Variants in DNAJC6 observed in about 807,000 individuals in gnomAD.
DNAJC6 encodes the protein DnaJ heat shock protein family (Hsp40) member C6.
Under a neutral mutation model 110.0 loss-of-function variants are expected in DNAJC6, and 34 were observed. That is an observed-to-expected ratio of 0.31 (90% confidence interval 0.24 to 0.41). The LOEUF (loss-of-function observed/expected upper bound fraction) is 0.41, where lower values mean the gene tolerates loss of function less well. DNAJC6 is among the 10% of genes least tolerant of loss of function. The pLI is 1.00. For missense variants in DNAJC6, 1,031 were observed against 1,207.8 expected (o/e 0.85, Z 2.17); for synonymous variants, 406 against 437.2 (o/e 0.93, Z 0.89).
chr1:65,409,767 C>T (rs910085211), intron 17 of DNAJC6, among the ~76,000 whole-genome samples: 4 of 152,124 alleles, frequency 2.6e-5, no homozygotes, highest in African/African-American at 4.8e-5. Context: ...AAAGCAGTTC[C>T]ACTTTTCTCT....
intron 1 of DNAJC6, among the ~76,000 whole-genome samples, chr1:65,362,435 T>A (rs1392881956): frequency 6.6e-6 from 1 of 152,200 alleles, no homozygotes; most frequent in Non-Finnish European, 1.5e-5. Flanking sequence ...ATAGATGCCA[T>A]TCTTGTCTTT....
chr1:65,290,645 T>A (rs1176955036), intron 1 of DNAJC6, among the ~76,000 whole-genome samples: 2 of 152,232 alleles, frequency 1.3e-5, no homozygotes, highest in East Asian at 1.9e-4. Flanking sequence ...TGTTTATTTT[T>A]AAATTATTAC....
At chr1:65,295,411 C>G (rs537969545) in intron 1 of DNAJC6, among the ~76,000 whole-genome samples, 44 of 152,214 alleles carry the variant, frequency 2.9e-4, no homozygotes, top group South Asian at 2.5e-3. Context: ...CTTGCTCTTT[C>G]TGGTTTTAAA....
intron 13 of DNAJC6, among the ~76,000 whole-genome samples, chr1:65,395,509 C>T (rs562317745): frequency 1.8e-3 from 281 of 152,208 alleles, no homozygotes; most frequent in African/African-American, 6.4e-3. Context: ...CCACTAGTTA[C>T]GTGTGGCTGT....
intron 1 of DNAJC6, among the ~76,000 whole-genome samples, chr1:65,354,392 T>C (rs1169838821): frequency 6.6e-6 from 1 of 152,202 alleles, no homozygotes; most frequent in Non-Finnish European, 1.5e-5. Flanking sequence ...CCACTGTGCT[T>C]AGTGCAAGCA....
chr1:65,349,095 TATATATAAATAA>T (rs1213792765), intron 1 of DNAJC6, among the ~76,000 whole-genome samples: 278 of 143,858 alleles, frequency 1.9e-3, no homozygotes, highest in Middle Eastern at 0.011. Context: ...TATGTAAATA[TATATATAAATAA>T]ATATGTAAAT....
intron 1 of DNAJC6, among the ~76,000 whole-genome samples, chr1:65,298,564 T>C (rs1005328040): frequency 2.6e-5 from 4 of 151,962 alleles, no homozygotes; most frequent in Non-Finnish European, 5.9e-5. Flanking sequence ...TAGTTAGGGG[T>C]CTATACATAT....
chr1:65,296,586 C>CTTTTTTT (rs11393548), intron 1 of DNAJC6, among the ~76,000 whole-genome samples: 1 of 123,534 alleles, frequency 8.1e-6, no homozygotes, highest in Non-Finnish European at 1.6e-5. Context: ...TTCGACACAT[C>CTTTTTTT]TTTTTTTTTT....
intron 14 of DNAJC6, among the ~76,000 whole-genome samples, chr1:65,399,659 C>T (rs1570375652): frequency 6.6e-6 from 1 of 152,282 alleles, no homozygotes; most frequent in East Asian, 1.9e-4. Context: ...CCCCACTGAC[C>T]TTCTCACATA....
Position 65,413,689 on chromosome 1 carries a change from A to G in DNAJC6, c.*664A>G, listed in dbSNP as rs932479601. On this transcript the variant is annotated 3_prime_UTR_variant, in exon 19 of 19. Transcript: ENST00000371069. Reference sequence around the variant, plus strand: ...CTAAAAATGAATGAAAATGGTGGCTAAAGAAAATAGGGACTCTGAAGATGT... The same window carrying G: ...CTAAAAATGAATGAAAATGGTGGCTGAAGAAAATAGGGACTCTGAAGATGT... 5 of 152,220 alleles carry G rather than the reference A, an allele frequency of 3.3e-5. No homozygotes were observed. The highest frequency in any genetic ancestry group is 1.2e-4 in the African/African-American group (5 of 41,470). 9.4% of individuals were successfully genotyped at this position (152,220 alleles called of 1,614,324 possible).
chr1:65,302,433 C>A (rs970516506), intron 1 of DNAJC6, among the ~76,000 whole-genome samples: 6 of 148,830 alleles, frequency 4.0e-5, no homozygotes, highest in Admixed American at 3.4e-4. Context: ...GGTCCACCCT[C>A]ATGAATGGAT....
chr1:65,363,382 T>A (rs1645615839), intron 1 of DNAJC6, among the ~76,000 whole-genome samples: 1 of 151,594 alleles, frequency 6.6e-6, no homozygotes, highest in Non-Finnish European at 1.5e-5. Flanking sequence ...CCTTGCTGAT[T>A]GCTATGGCAA....
At chr1:65,368,917 G>A (rs1645679200) in intron 4 of DNAJC6, among the ~76,000 whole-genome samples, 1 of 151,852 alleles carries the variant, frequency 6.6e-6, no homozygotes, top group South Asian at 2.1e-4. Context: ...GATTACAGAT[G>A]TGTGCCACTA....
At chr1:65,312,785 C>T (rs1017808642) in intron 1 of DNAJC6, among the ~76,000 whole-genome samples, 2 of 152,108 alleles carry the variant, frequency 1.3e-5, no homozygotes, top group East Asian at 1.9e-4. Context: ...TATTGTTACT[C>T]GCTGAAAAAC....
chr1:65,347,029 G>C (rs1570308272), intron 1 of DNAJC6, among the ~76,000 whole-genome samples: 1 of 151,982 alleles, frequency 6.6e-6, no homozygotes, highest in African/African-American at 2.4e-5. Context: ...CTAAACAGTA[G>C]AAAATCAACT....
chr1:65,382,388 A>C (rs988441238), intron 5 of DNAJC6, among the ~76,000 whole-genome samples: 1 of 152,166 alleles, frequency 6.6e-6, no homozygotes, highest in African/African-American at 2.4e-5. Context: ...CTCCTGGGAG[A>C]AGGCTTTATT....
At chr1:65,306,965 A>G (rs992995219), upstream of DNAJC6, among the ~76,000 whole-genome samples, 1 of 59,386 alleles carries the variant, frequency 1.7e-5, no homozygotes, top group Non-Finnish European at 4.2e-5. Context: ...TCTCTCTCTC[A>G]ATCTGTTTCT....
chr1:65,306,414 T>C (rs1057333892), upstream of DNAJC6: 9 of 152,138 alleles, frequency 5.9e-5, no homozygotes, highest in Non-Finnish European at 1.3e-4. Context: ...AAATCCTACA[T>C]AGGTCATGGC....
At chr1:65,352,634 A>G (rs925870335) in intron 1 of DNAJC6, among the ~76,000 whole-genome samples, 2 of 152,240 alleles carry the variant, frequency 1.3e-5, no homozygotes, top group Non-Finnish European at 2.9e-5. Flanking sequence ...TATGTAGCAC[A>G]TAGCATATAT....
Sources: gnomAD v4.1 joint callset for allele counts (sites outside exome capture counted in the v4.1 genomes callset) on GRCh38, gnomAD v4.1.1 for gene constraint, MANE v1.5 for transcripts, NCBI Gene and HGNC (gene_info 2026-07-23, HGNC 2026-07-21) for gene names.